ST6GALNAC3: variants seen among roughly 807,000 people sequenced by gnomAD.
ST6GALNAC3 encodes ST6 N-acetylgalactosaminide alpha-2,6-sialyltransferase 3.
ST6GALNAC3 carries 25 observed loss-of-function variants against 32.7 expected under a neutral mutation model. The observed-to-expected ratio is 0.76, with a 90% CI of 0.56 to 1.07. The LOEUF (loss-of-function observed/expected upper bound fraction) is 1.07, where lower values mean the gene tolerates loss of function less well. ST6GALNAC3 is among the 50% of genes least tolerant of loss of function. The pLI, the probability that ST6GALNAC3 is intolerant of heterozygous loss-of-function variation, is 0.00. For missense variants in ST6GALNAC3, 355 were observed against 382.4 expected (o/e 0.93, Z 0.60); for synonymous variants, 129 against 133.1 (o/e 0.97, Z 0.21).
chr1:76,361,114 T>A (rs562332234), intron 2 of ST6GALNAC3, among the ~76,000 whole-genome samples: 1 of 152,286 alleles, frequency 6.6e-6, no homozygotes, highest in East Asian at 1.9e-4. Flanking sequence ...TAACCATTCT[T>A]AAGTGTACAG....
At chr1:76,094,946 G>A (rs1292251966) in intron 1 of ST6GALNAC3, among the ~76,000 whole-genome samples, 1 of 145,454 alleles carries the variant, frequency 6.9e-6, no homozygotes, top group Non-Finnish European at 1.5e-5. Context: ...CACCAACCTA[G>A]CCTTCTTTCT....
chr1:76,394,812 G>T (rs1311343886), intron 2 of ST6GALNAC3, among the ~76,000 whole-genome samples: 2 of 152,112 alleles, frequency 1.3e-5, no homozygotes, highest in African/African-American at 4.8e-5. Context: ...ACAGATAGGA[G>T]CCCTGGTGTG....
At chr1:76,563,605 A>G (rs1006208119) in intron 3 of ST6GALNAC3, among the ~76,000 whole-genome samples, 1 of 152,198 alleles carries the variant, frequency 6.6e-6, no homozygotes, top group Non-Finnish European at 1.5e-5. Context: ...AACAATAACA[A>G]TAATAAAGTT....
intron 3 of ST6GALNAC3, among the ~76,000 whole-genome samples, chr1:76,448,187 T>A (rs899239717): frequency 1.3e-5 from 2 of 152,068 alleles, no homozygotes; most frequent in Admixed American, 6.5e-5. Context: ...TCAAAGGAGA[T>A]CATTTTGGAG....
At chr1:76,202,549 A>G (rs1654589263) in intron 1 of ST6GALNAC3, among the ~76,000 whole-genome samples, 1 of 152,190 alleles carries the variant, frequency 6.6e-6, no homozygotes, top group Admixed American at 6.5e-5. Context: ...CTGCAGTAGG[A>G]ACAGATGAAT....
At chr1:76,336,733 CT>C (rs1022102429) in intron 2 of ST6GALNAC3, among the ~76,000 whole-genome samples, 5 of 152,326 alleles carry the variant, frequency 3.3e-5, no homozygotes, top group African/African-American at 1.2e-4. Context: ...ACAGGAACTC[CT>C]TTTATCCCCC....
chr1:76,098,817 G>A (rs1346120534), intron 1 of ST6GALNAC3, among the ~76,000 whole-genome samples: 5 of 151,754 alleles, frequency 3.3e-5, no homozygotes, highest in East Asian at 1.9e-4. Flanking sequence ...ATTAATAATT[G>A]TTAAAATCCC....
intron 3 of ST6GALNAC3, among the ~76,000 whole-genome samples, chr1:76,584,375 C>T (rs1275389586): frequency 6.6e-6 from 1 of 152,140 alleles, no homozygotes; most frequent in African/African-American, 2.4e-5. Flanking sequence ...GCCTGTTGAT[C>T]CATGAATTCA....
intron 3 of ST6GALNAC3, among the ~76,000 whole-genome samples, chr1:76,544,475 C>G (rs1664172465): frequency 6.6e-6 from 1 of 152,094 alleles, no homozygotes; most frequent in African/African-American, 2.4e-5. Flanking sequence ...GGATTTAAAA[C>G]ATATCTTGAA....
intron 1 of ST6GALNAC3, among the ~76,000 whole-genome samples, chr1:76,165,016 G>A (rs1243125259): frequency 1.3e-5 from 2 of 152,010 alleles, no homozygotes; most frequent in African/African-American, 4.8e-5. Context: ...GTCTCAAGGG[G>A]GTTTGTTGTA....
intron 2 of ST6GALNAC3, among the ~76,000 whole-genome samples, chr1:76,320,213 T>C (rs1358557739): frequency 6.6e-6 from 1 of 152,142 alleles, no homozygotes; most frequent in African/African-American, 2.4e-5. Context: ...GTTCAGAATA[T>C]GTATTGTGCA....
intron 1 of ST6GALNAC3, among the ~76,000 whole-genome samples, chr1:76,140,010 C>T (rs534761823): frequency 5.3e-5 from 8 of 152,170 alleles, no homozygotes; most frequent in Non-Finnish European, 7.3e-5. Context: ...CTTTGCCAAA[C>T]GCTCATTTAG....
chr1:76,607,336 T>C (rs904868682), intron 3 of ST6GALNAC3, among the ~76,000 whole-genome samples: 7 of 152,172 alleles, frequency 4.6e-5, no homozygotes, highest in Non-Finnish European at 4.4e-5. Context: ...GTAGGTAGAA[T>C]TTATTAAATT....
chr1:76,484,789 T>C (rs1454672399), intron 3 of ST6GALNAC3, among the ~76,000 whole-genome samples: 1 of 152,226 alleles, frequency 6.6e-6, no homozygotes, highest in Non-Finnish European at 1.5e-5. Context: ...GACGCATCCC[T>C]GTCTTGTGCC....
intron 3 of ST6GALNAC3, among the ~76,000 whole-genome samples, chr1:76,485,888 G>A (rs1252542312): frequency 6.6e-6 from 1 of 152,170 alleles, no homozygotes; most frequent in Non-Finnish European, 1.5e-5. Flanking sequence ...TCTACACACT[G>A]CTTTGAACGT....
intron 1 of ST6GALNAC3, among the ~76,000 whole-genome samples, chr1:76,245,993 T>C (rs1475923461): frequency 6.6e-6 from 1 of 152,196 alleles, no homozygotes; most frequent in Non-Finnish European, 1.5e-5. Flanking sequence ...ATCTGTCTAA[T>C]ATTGACAGTG....
chr1:76,489,077 G>A (rs1660324255), intron 3 of ST6GALNAC3, among the ~76,000 whole-genome samples: 1 of 152,110 alleles, frequency 6.6e-6, no homozygotes, highest in African/African-American at 2.4e-5. Flanking sequence ...TATCTCCAGT[G>A]CCTGGCATCG....
chr1:76,098,448 G>T (rs1262339307), intron 1 of ST6GALNAC3, among the ~76,000 whole-genome samples: 1 of 152,102 alleles, frequency 6.6e-6, no homozygotes, highest in East Asian at 1.9e-4. Flanking sequence ...ACAACAATTG[G>T]TTTAAACTTT....
Position 76,426,566 on chromosome 1 carries a change from C to CATAT in ST6GALNAC3, c.623+14161_623+14164dup, listed in dbSNP as rs570524820. 3.4e-5 allele frequency among the ~76,000 whole-genome samples: 5 copies of CATAT among 146,754 alleles called. No individual in the cohort carries two copies. The Admixed American group carries it at 3.4e-4, about 10-fold the overall frequency. On this transcript the variant is annotated intron_variant, in intron 3 of 4. Transcript: ENST00000328299. ...ACAGATATATATATATATATCTGTA[C>CATAT]ATATATATATATATAGGGAGAGAGA...
Sources: gnomAD v4.1 joint callset for allele counts (sites outside exome capture counted in the v4.1 genomes callset) on GRCh38, gnomAD v4.1.1 for gene constraint, MANE v1.5 for transcripts, NCBI Gene and HGNC (gene_info 2026-07-23, HGNC 2026-07-21) for gene names.